The following RHD variants were observed in gnomAD, a reference collection of about 807,000 sequenced individuals.
RHD encodes Rh blood group D antigen.
In RHD, 16 loss-of-function variants were observed where a neutral mutation model predicts 45.5. The observed-to-expected ratio is 0.35, with a 90% CI of 0.24 to 0.53. The LOEUF (loss-of-function observed/expected upper bound fraction) is 0.53, where lower values mean the gene tolerates loss of function less well. RHD is among the 20% of genes least tolerant of loss of function. RHD has a pLI of 0.92. For missense variants in RHD, 306 were observed against 532.0 expected, an observed-to-expected ratio of 0.58 and a Z score of 4.18; for synonymous variants, 131 against 217.5, an observed-to-expected ratio of 0.60 and a Z score of 3.50.
Position 25,291,475 on chromosome 1 carries a change from T to A in RHD, c.486+684T>A, listed in dbSNP as rs1274972151. ...CAAGAGCAAGACTTCATCTCAAATT[T>A]AAAATAAAGAAAAAAGAAAAGAAAA... On this transcript the variant is annotated intron_variant, in intron 3 of 9. Transcript: ENST00000328664. Among the ~76,000 whole-genome samples the A allele has an allele frequency of 1.5e-5, 2 of 129,522 alleles. 1 individual carries two copies. Among genetic ancestry groups the A allele is most frequent in the Non-Finnish European group, 3.6e-5 (2 of 54,848 alleles). The allele number at this position is 129,522 out of a possible 152,430, so 85.0% of individuals were successfully genotyped here.
In RHD at chr1:25,318,362, T is replaced by G. The variant is rs1209998995; in HGVS notation, c.1153+1283T>G. On this transcript the variant is annotated intron_variant, in intron 8 of 9. Coordinates refer to ENST00000328664, the MANE Select transcript of RHD (RefSeq NM_016124.6). Reference sequence around the variant, plus strand: ...CAGCACTTTGGGAGGCTGAGACAGGTAGATCACTTGAGGTCAGGAGTTCGA... The same window carrying G: ...CAGCACTTTGGGAGGCTGAGACAGGGAGATCACTTGAGGTCAGGAGTTCGA... 2.3e-5 allele frequency: 3 copies of G among 130,760 alleles called. 1 individual carries two copies. Among genetic ancestry groups the G allele is most frequent in the African/African-American group, 7.8e-5 (3 of 38,452 alleles). 8.1% of individuals were successfully genotyped at this position (130,760 alleles called of 1,614,324 possible). A position where few individuals can be genotyped will look rare whatever the true frequency, so the allele number is the denominator to read the frequency against.
At position 25,310,410 on chromosome 1, in the gene RHD, A is replaced by G. The variant is rs1270338385; in HGVS notation, c.1073+3681A>G. 1.7e-4 allele frequency among the ~76,000 whole-genome samples: 22 copies of G among 132,758 alleles called. 3 individuals carry two copies. The highest frequency in any genetic ancestry group is 1.6e-3 in the Admixed American group (22 of 13,576). 87.1% of individuals were successfully genotyped at this position (132,758 alleles called of 152,430 possible). On this transcript the variant is annotated intron_variant, in intron 7 of 9. Transcript: ENST00000328664. Reference sequence around the variant, plus strand: ...GACTTCTCCATGTCATGATGCAGCAAGAAGGCCCTCACCAGATGGTGGCAC... The same window carrying G: ...GACTTCTCCATGTCATGATGCAGCAGGAAGGCCCTCACCAGATGGTGGCAC...
At chr1:25,316,491 A>C in intron 7 of RHD, among the ~76,000 whole-genome samples, 1 of 119,292 alleles carries the variant, frequency 8.4e-6, no homozygotes, top group Non-Finnish European at 2.0e-5. Context: ...ATGGTGGCGC[A>C]TGCCTGTAGT....
chr1:25,282,485 A>G lies in RHD; in HGVS notation c.149-2088A>G, dbSNP rs556618360. On this transcript the variant is annotated intron_variant, in intron 1 of 9. Transcript: ENST00000328664. ...GCTGACTTCATGATCTGCCCACCTC[A>G]TCCTCCTAAATTGGTATCTTTATAT... 2.5e-4 allele frequency among the ~76,000 whole-genome samples: 33 copies of G among 131,666 alleles called. 2 individuals are homozygous for G. The East Asian group carries it at 5.7e-3, about 23-fold the overall frequency. The allele number at this position is 131,666 out of a possible 152,430, so 86.4% of individuals were successfully genotyped here. A position where few individuals can be genotyped will look rare whatever the true frequency, so the allele number is the denominator to read the frequency against.
At chr1:25,283,004 T>G (rs182076774) in intron 1 of RHD, among the ~76,000 whole-genome samples, 3 of 133,132 alleles carry the variant, frequency 2.3e-5, no homozygotes, top group African/African-American at 7.7e-5. Flanking sequence ...AAAAAATTCT[T>G]CAAGATCTCT....
intron 7 of RHD, among the ~76,000 whole-genome samples, chr1:25,313,659 C>T (rs1644281692): frequency 7.6e-6 from 1 of 132,046 alleles, no homozygotes; most frequent in Non-Finnish European, 1.8e-5. Context: ...CTGTATCATC[C>T]AGGGACCAGG....
chr1:25,314,836 CAA>C (rs1365737090), intron 7 of RHD, among the ~76,000 whole-genome samples: 5 of 131,004 alleles, frequency 3.8e-5, no homozygotes, highest in East Asian at 2.0e-4. Flanking sequence ...GTCTTTTGAA[CAA>C]GAGAGGTTCT....
At chr1:25,285,538 A>T (rs1346988226) in intron 2 of RHD, among the ~76,000 whole-genome samples, 2 of 135,050 alleles carry the variant, frequency 1.5e-5, no homozygotes, top group Admixed American at 1.4e-4. Context: ...CTTTGTTTAC[A>T]TGCATTTGTG....
rs1466187893 is a variant in RHD at position 25,272,545 on chromosome 1, A to G, written c.-3A>G. Reference sequence around the variant, plus strand: ...GGAACCCCTGCACAGAGACGGACACAGGATGAGCTCTAAGTACCCGCGGTC... The same window carrying G: ...GGAACCCCTGCACAGAGACGGACACGGGATGAGCTCTAAGTACCCGCGGTC... On this transcript the variant is annotated 5_prime_UTR_variant, in exon 1 of 10. Coordinates refer to ENST00000328664, the MANE Select transcript of RHD (RefSeq NM_016124.6). The G allele has an allele frequency of 1.3e-6, 2 of 1,577,554 alleles. No homozygotes were observed. Among genetic ancestry groups the G allele is most frequent in the East Asian group, 4.5e-5 (2 of 44,740 alleles).
Position 25,273,097 on chromosome 1 carries a change from G to GGGTTTTT in RHD, c.148+411_148+417dup, listed in dbSNP as rs1178452655. On this transcript the variant is annotated intron_variant, in intron 1 of 9. Coordinates refer to ENST00000328664, the MANE Select transcript of RHD (RefSeq NM_016124.6). ...CTTATGCAAGCAATTTCATGTTGTT[G>GGGTTTTT]GGTTTTTGGTTTTTGTTTCCTTTTT... is the stretch of plus-strand genomic sequence containing the variant. Among the ~76,000 whole-genome samples the GGGTTTTT allele has an allele frequency of 1.5e-5, 2 of 130,846 alleles. 1 individual carries two copies. The highest frequency in any genetic ancestry group is 3.6e-5 in the Non-Finnish European group (2 of 55,396). 85.8% of individuals were successfully genotyped at this position (130,846 alleles called of 152,430 possible). A position where few individuals can be genotyped will look rare whatever the true frequency, so the allele number is the denominator to read the frequency against.
At position 25,294,802 on chromosome 1, in the gene RHD, A is replaced by AC. The variant is rs1228252069; in HGVS notation, c.486+4013dup. On this transcript the variant is annotated intron_variant, in intron 3 of 9. Transcript: ENST00000328664. ...GTATTTTCTCAGAGAAACAAGAGGCACCGTCATCAGCCTCATGTGAGGGTG... is the reference window on the plus strand; with the variant it reads ...GTATTTTCTCAGAGAAACAAGAGGCACCCGTCATCAGCCTCATGTGAGGGTG... Among the ~76,000 whole-genome samples, 93 of 116,306 alleles carry AC rather than the reference A, an allele frequency of 8.0e-4. 2 individuals are homozygous for AC. Among genetic ancestry groups the AC allele is most frequent in the African/African-American group, 2.8e-3 (88 of 31,534 alleles). The allele number at this position is 116,306 out of a possible 152,430, so 76.3% of individuals were successfully genotyped here.
At chr1:25,276,255 G>A (rs1557511834) in intron 1 of RHD, among the ~76,000 whole-genome samples, 1 of 130,002 alleles carries the variant, frequency 7.7e-6, no homozygotes, top group Admixed American at 7.5e-5. Flanking sequence ...CATGATATCT[G>A]GGGTTTGCTT....
rs184067636 is a variant in RHD, at chr1:25,277,024, G to A, written c.148+4329G>A. On this transcript the variant is annotated intron_variant, in intron 1 of 9. Transcript: ENST00000328664. ...GGAGCTTTCAGTGAGCTGAGATTAC[G>A]CCACTGCACTCCAGCCTGGGCAACA... Among the ~76,000 whole-genome samples, 30 of 129,696 alleles carry A rather than the reference G, an allele frequency of 2.3e-4. 3 individuals are homozygous for A. The East Asian group carries it at 2.6e-3, about 11-fold the overall frequency. 85.1% of individuals were successfully genotyped at this position (129,696 alleles called of 152,430 possible). A position where few individuals can be genotyped will look rare whatever the true frequency, so the allele number is the denominator to read the frequency against.
chr1:25,314,550 G>A (rs1644334975), intron 7 of RHD, among the ~76,000 whole-genome samples: 1 of 132,602 alleles, frequency 7.5e-6, no homozygotes. Context: ...CTGGAATGCA[G>A]TGGCGCTATC....
chr1:25,321,936 T>C lies in RHD; in HGVS notation c.1201T>C (p.Tyr401His), dbSNP rs1324748310. The change falls in exon 9 of 10, where the codon TAT becomes CAT. Residue 401 changes from tyrosine (Y) to histidine (H), a missense_variant. By Grantham distance (83) the Tyr-to-His change is moderately conservative. Coordinates refer to ENST00000328664, the MANE Select transcript of RHD (RefSeq NM_016124.6). ...ATGGAAAGCACCTCATGAGGCTAAA[T>C]ATTTTGATGACCAAGTTTTCTGGAA... ...KIWKAPHEAK[Y>H]FDDQVFWKFP... The C allele has an allele frequency of 1.3e-5, 18 of 1,335,648 alleles. 6 individuals carry two copies. Among genetic ancestry groups the C allele is most frequent in the Non-Finnish European group, 1.9e-5 (18 of 940,250 alleles). The allele number at this position is 1,335,648 out of a possible 1,614,324, so 82.7% of individuals were successfully genotyped here. A position where few individuals can be genotyped will look rare whatever the true frequency, so the allele number is the denominator to read the frequency against.
intron 7 of RHD, among the ~76,000 whole-genome samples, chr1:25,313,720 T>C (rs1405239987): frequency 7.6e-6 from 1 of 131,092 alleles, no homozygotes; most frequent in Admixed American, 7.4e-5. Flanking sequence ...AAAAGAGTGG[T>C]GGGAGAGTAA....
At chr1:25,289,809 T>C (rs1171548669) in intron 2 of RHD, among the ~76,000 whole-genome samples, 1 of 120,070 alleles carries the variant, frequency 8.3e-6, no homozygotes. Context: ...GTAGCCTGTC[T>C]AGATCATAAG....
At chr1:25,296,831 C>A (rs600203) in intron 3 of RHD, among the ~76,000 whole-genome samples, 1 of 124,578 alleles carries the variant, frequency 8.0e-6, no homozygotes, top group Admixed American at 7.8e-5. Flanking sequence ...CTGAGGCCTC[C>A]CCGGCCATGC....
In RHD at chr1:25,330,369, T is replaced by G. The variant is rs552749796; in HGVS notation, c.*1445T>G. 7.5e-6 allele frequency: 1 copy of G among 133,052 alleles called. No homozygotes were observed. Among genetic ancestry groups the G allele is most frequent in the Admixed American group, 7.3e-5 (1 of 13,716 alleles). The allele number at this position is 133,052 out of a possible 1,614,324, so 8.2% of individuals were successfully genotyped here. A position where few individuals can be genotyped will look rare whatever the true frequency, so the allele number is the denominator to read the frequency against. The stretch of plus-strand genomic sequence containing the variant: ...GGAAATCTTGTTTTGCCAATTTTCT[T>G]TGAAAATTCTGGCAGACCAAGGTTC... On this transcript the variant is annotated 3_prime_UTR_variant, in exon 10 of 10. Coordinates refer to ENST00000328664, the MANE Select transcript of RHD (RefSeq NM_016124.6).
Sources: allele counts gnomAD v4.1 joint callset (sites outside exome capture counted in the v4.1 genomes callset), GRCh38; gene constraint gnomAD v4.1.1; transcripts MANE v1.5; gene names NCBI Gene and HGNC (gene_info 2026-07-23, HGNC 2026-07-21).